Variants in PRKAR1B observed in about 807,000 individuals in gnomAD.
PRKAR1B encodes protein kinase cAMP-dependent type I regulatory subunit beta.
In PRKAR1B, 22 loss-of-function variants were observed where a neutral mutation model predicts 46.5. The ratio of observed to expected loss-of-function variants is 0.47; its 90% CI spans 0.34 to 0.68. The LOEUF is 0.68. PRKAR1B is among the 30% of genes least tolerant of loss of function. PRKAR1B has a pLI of 0.01. For synonymous variants in PRKAR1B, 259 were observed against 217.7 expected, an observed-to-expected ratio of 1.19 and a Z score of -1.67; for missense variants, 445 against 535.6, an observed-to-expected ratio of 0.83 and a Z score of 1.67.
chr7:645,731 A>C (rs2128487260), intron 4 of PRKAR1B, among the ~76,000 whole-genome samples: 1 of 152,048 alleles, frequency 6.6e-6, no homozygotes, highest in South Asian at 2.1e-4. Flanking sequence ...CCCTGGGGAG[A>C]GGCCTGGGGC....
In PRKAR1B at chr7:581,172, G is replaced by A. The variant is rs374472123; in HGVS notation, c.770-1795C>T. 4.6e-5 allele frequency among the ~76,000 whole-genome samples: 7 copies of A among 151,940 alleles called. 1 individual carries two copies. Among genetic ancestry groups the A allele is most frequent in the East Asian group, 3.9e-4 (2 of 5,180 alleles). ...CAAAAAATTAGCCGGGTGTGGTGGC[G>A]GGCGCCTGTAGTCCCAGCTACTCCG... On this transcript the variant is annotated intron_variant, in intron 8 of 10. Transcript: ENST00000537384.
At chr7:718,175 G>A (rs1178782954) in intron 1 of PRKAR1B, among the ~76,000 whole-genome samples, 1 of 151,704 alleles carries the variant, frequency 6.6e-6, no homozygotes, top group African/African-American at 2.4e-5. Context: ...GCAGCCTTCA[G>A]AGGACCCAGT....
At position 644,377 on chromosome 7, in the gene PRKAR1B, C is replaced by T. The variant is rs1466221621; in HGVS notation, c.440+32852G>A. Among the ~76,000 whole-genome samples, 1 of 152,174 alleles carries T rather than the reference C, an allele frequency of 6.6e-6. No individual in the cohort carries two copies. The highest frequency in any genetic ancestry group is 2.4e-5 in the African/African-American group (1 of 41,448). On this transcript the variant is annotated intron_variant, in intron 4 of 10. Transcript: ENST00000537384. This position sits in a 1 kb window ranked among gnomAD's most constrained non-coding sequence, Gnocchi z 4.9. ...TGAGGTGGGGAAACTGAGGCGCGCA[C>T]ATTCGGAACGGGGTTTTGCTCCTCC...
At chr7:681,323 T>TAAAA (rs1159377371) in intron 2 of PRKAR1B, among the ~76,000 whole-genome samples, 2,069 of 114,192 alleles carry the variant, frequency 0.018, 52 homozygotes, top group African/African-American at 0.061. Flanking sequence ...CCTGTCTCTA[T>TAAAA]AAAAAAAAAA....
chr7:574,875 C>T (rs1779728559), intron 9 of PRKAR1B, among the ~76,000 whole-genome samples: 1 of 152,250 alleles, frequency 6.6e-6, no homozygotes, highest in African/African-American at 2.4e-5. Flanking sequence ...GCACCAGTTT[C>T]TTGTCAATGG....
In PRKAR1B at chr7:560,170, G is replaced by T. The variant is rs1475302149; in HGVS notation, c.892-8700C>A. Among the ~76,000 whole-genome samples, 3 of 152,134 alleles carry T rather than the reference G, an allele frequency of 2.0e-5. No individual in the cohort carries two copies. The East Asian group carries it at 5.8e-4, about 29-fold the overall frequency. On this transcript the variant is annotated intron_variant, in intron 9 of 10. Coordinates refer to ENST00000537384, the MANE Select transcript of PRKAR1B (RefSeq NM_001164760.2). This position sits in a 1 kb window ranked among gnomAD's most constrained non-coding sequence, Gnocchi z 4.2. ...TGGCATGGGGTGACGGTTTTATAAG[G>T]GGCTTTCCCCGCTTTGTTCAGCTTT...
At chr7:628,693 A>G (rs1245567693) in intron 4 of PRKAR1B, among the ~76,000 whole-genome samples, 2 of 152,186 alleles carry the variant, frequency 1.3e-5, no homozygotes, top group African/African-American at 4.8e-5. Context: ...TCAATGTCTC[A>G]GGTGCACTGC....
intron 2 of PRKAR1B, among the ~76,000 whole-genome samples, chr7:687,880 G>A (rs1367085342): frequency 6.6e-6 from 1 of 152,060 alleles, no homozygotes; most frequent in Non-Finnish European, 1.5e-5. Context: ...CGGATCACCT[G>A]AGGTCAGCAG....
At chr7:622,422 T>G (rs1374590118) in intron 4 of PRKAR1B, among the ~76,000 whole-genome samples, 1 of 152,204 alleles carries the variant, frequency 6.6e-6, no homozygotes, top group Non-Finnish European at 1.5e-5. Context: ...AATAAAGAAT[T>G]TTTGTGACTT....
chr7:628,356 G>A (rs1368052775), intron 4 of PRKAR1B, among the ~76,000 whole-genome samples: 6 of 152,332 alleles, frequency 3.9e-5, no homozygotes, highest in Non-Finnish European at 5.9e-5. Flanking sequence ...GGCGGGAGCC[G>A]CCAACAGCCA....
chr7:600,368 G>C (rs112956436), intron 6 of PRKAR1B, among the ~76,000 whole-genome samples: 2,839 of 152,264 alleles, frequency 0.019, 39 homozygotes, highest in Non-Finnish European at 0.029. Context: ...AGCTGGACGT[G>C]GTGGTGCACA....
At chr7:604,852 A>T (rs1180700061) in intron 6 of PRKAR1B, among the ~76,000 whole-genome samples, 1 of 151,782 alleles carries the variant, frequency 6.6e-6, no homozygotes, top group African/African-American at 2.4e-5. Flanking sequence ...CAGGTGGACA[A>T]GGAGAAGGGC....
chr7:603,660 C>T (rs1443548454), intron 6 of PRKAR1B, among the ~76,000 whole-genome samples: 17 of 124,374 alleles, frequency 1.4e-4, no homozygotes, highest in Admixed American at 2.3e-4. Context: ...GTGGAGAGGG[C>T]AGGGGAGGAG....
chr7:691,924 T>G, intron 2 of PRKAR1B: 1 of 950,794 alleles, frequency 1.1e-6, no homozygotes, highest in Non-Finnish European at 1.3e-6. Flanking sequence ...AGTCCCTTGC[T>G]CACATCCATC....
intron 4 of PRKAR1B, among the ~76,000 whole-genome samples, chr7:665,322 T>A (rs967606201): frequency 6.6e-6 from 1 of 152,104 alleles, no homozygotes; most frequent in African/African-American, 2.4e-5. Flanking sequence ...CAGCTTCTAC[T>A]CCAAGCTGGG....
intron 4 of PRKAR1B, among the ~76,000 whole-genome samples, chr7:624,235 C>G (rs1421827657): frequency 1.3e-5 from 2 of 152,172 alleles, no homozygotes; most frequent in Non-Finnish European, 2.9e-5. Flanking sequence ...GAGTTCGAGA[C>G]CAGCCTGGCC....
At chr7:597,059 A>C (rs977467085) in intron 6 of PRKAR1B, among the ~76,000 whole-genome samples, 15 of 152,240 alleles carry the variant, frequency 9.9e-5, no homozygotes, top group Non-Finnish European at 2.2e-4. Context: ...TCCGTGCAAG[A>C]ATGGTGCAGA....
At chr7:617,183 A>G (rs1006405250) in intron 4 of PRKAR1B, among the ~76,000 whole-genome samples, 1 of 152,032 alleles carries the variant, frequency 6.6e-6, no homozygotes, top group South Asian at 2.1e-4. Context: ...CAGTAGAGAC[A>G]GGGGTTTCAC....
intron 9 of PRKAR1B, among the ~76,000 whole-genome samples, chr7:571,384 G>A (rs538874299): frequency 6.6e-6 from 1 of 152,318 alleles, no homozygotes; most frequent in East Asian, 1.9e-4. Flanking sequence ...GCAGCGACCC[G>A]TGGATTTTGA....
Sources: allele counts gnomAD v4.1 joint callset (sites outside exome capture counted in the v4.1 genomes callset), GRCh38; gene constraint gnomAD v4.1.1; non-coding constraint Gnocchi (gnomAD v3.1); transcripts MANE v1.5; gene names NCBI Gene and HGNC (gene_info 2026-07-23, HGNC 2026-07-21).